Variants in CCL24 observed in about 807,000 individuals in gnomAD.
CCL24 encodes C-C motif chemokine ligand 24.
In CCL24, 6 loss-of-function variants were observed where a neutral mutation model predicts 8.6. The observed-to-expected ratio is 0.70, with a 90% confidence interval of 0.38 to 1.38. CCL24 has a LOEUF of 1.38. Among genes scored for constraint, CCL24 ranks in the 40% most tolerant of loss-of-function variants. The pLI is 0.02. For missense variants in CCL24, 126 were observed against 147.1 expected (o/e 0.86, Z 0.74); for synonymous variants, 59 against 52.7 (o/e 1.12, Z -0.52).
rs1231793719 is a variant in CCL24 at position 75,810,950 on chromosome 7, C to T, written c.*846G>A. On this transcript the variant is annotated 3_prime_UTR_variant, in exon 3 of 3. Coordinates refer to ENST00000222902, the MANE Select transcript of CCL24 (RefSeq NM_002991.3). ...AAAAAAAGCTAGAGTCTTTTCTCCC[C>T]CTAATCCCCCCACCCTATCTTCCCC... 2.0e-5 allele frequency among the ~76,000 whole-genome samples: 3 copies of T among 151,818 alleles called. No homozygotes were observed. Among genetic ancestry groups the T allele is most frequent in the African/African-American group, 7.3e-5 (3 of 41,312 alleles).
At chr7:75,814,346 A>G (rs543964784), upstream of CCL24, among the ~76,000 whole-genome samples, 18 of 152,206 alleles carry the variant, frequency 1.2e-4, no homozygotes, top group African/African-American at 4.1e-4. Context: ...TGGGAGGATC[A>G]TTTGAGGCCA....
At chr7:75,821,464 G>A (rs1403317582) in intron 1 of CCL24, among the ~76,000 whole-genome samples, 1 of 152,106 alleles carries the variant, frequency 6.6e-6, no homozygotes, top group African/African-American at 2.4e-5. Flanking sequence ...ATGCCATATG[G>A]TTGAGGAAAA....
upstream of CCL24, among the ~76,000 whole-genome samples, chr7:75,817,371 G>A (rs1353790536): frequency 6.6e-6 from 1 of 152,014 alleles, no homozygotes; most frequent in Non-Finnish European, 1.5e-5. Flanking sequence ...GGGGATGCCT[G>A]CCATCCCCAT....
chr7:75,814,436 C>T (rs1803843616), upstream of CCL24, among the ~76,000 whole-genome samples: 1 of 151,994 alleles, frequency 6.6e-6, no homozygotes. Flanking sequence ...CGTGGTGGTG[C>T]AGGCTTGTAG....
rs1211371041 is a variant in CCL24 at position 75,811,435 on chromosome 7, T to C, written c.*361A>G. Among the ~76,000 whole-genome samples, 3 of 150,762 alleles carry C rather than the reference T, an allele frequency of 2.0e-5. No individual in the cohort carries two copies. The highest frequency in any genetic ancestry group is 2.4e-5 in the African/African-American group (1 of 40,978). On this transcript the variant is annotated 3_prime_UTR_variant, in exon 3 of 3. Coordinates refer to ENST00000222902, the MANE Select transcript of CCL24 (RefSeq NM_002991.3). ...CGGAGGTTGCAGTGAACCGAGATTGTGCCACTGCACTCCAGCCTGGGTGAC... is the reference window on the plus strand; with the variant it reads ...CGGAGGTTGCAGTGAACCGAGATTGCGCCACTGCACTCCAGCCTGGGTGAC...
intron 1 of CCL24, among the ~76,000 whole-genome samples, chr7:75,820,139 CCTCCTCCTCCTCCTT>C (rs1169629986): frequency 9.0e-6 from 1 of 111,404 alleles, no homozygotes; most frequent in African/African-American, 3.0e-5. Context: ...TTCTCCTCCT[CCTCCTCCTCCTCCTT>C]CTCCTTCTCC....
intron 1 of CCL24, among the ~76,000 whole-genome samples, chr7:75,819,014 A>G (rs1803954231): frequency 6.6e-6 from 1 of 150,918 alleles, no homozygotes; most frequent in African/African-American, 2.4e-5. Context: ...CACGCTTGTA[A>G]TCCCAGCACT....
Position 75,811,537 on chromosome 7 carries a change from T to G in CCL24, c.*259A>C, listed in dbSNP as rs1312827820. On this transcript the variant is annotated 3_prime_UTR_variant, in exon 3 of 3. Coordinates refer to ENST00000222902, the MANE Select transcript of CCL24 (RefSeq NM_002991.3). ...AGGTCAGGAGGAGAAGGCAAAGAGT[T>G]GCCACTGCTCTCCTTCTGGGATCTT... The G allele has an allele frequency of 5.3e-6, 2 of 376,014 alleles. No homozygotes were observed. Among genetic ancestry groups the G allele is most frequent in the African/African-American group, 2.1e-5 (1 of 47,556 alleles). 23.3% of individuals were successfully genotyped at this position (376,014 alleles called of 1,614,324 possible).
chr7:75,816,807 C>T (rs112095100), upstream of CCL24, among the ~76,000 whole-genome samples: 1,493 of 150,486 alleles, frequency 9.9e-3, 22 homozygotes, highest in Admixed American at 0.027. Flanking sequence ...GGTAATCCAC[C>T]CACCTCGGCC....
At position 75,811,844 on chromosome 7, in the gene CCL24, A is replaced by G. The variant is rs372206947; in HGVS notation, c.312T>C (p.Ala104=). The stretch of plus-strand genomic sequence containing the variant: ...GATATCTCTGGACAGGGCCCTTGAC[A>G]GCCACTGCCCTGGCCCTAGGGGAAG... ...KKASPRARAV[A]VKGPVQRYPG... Residue 104 remains alanine (A), a synonymous_variant, in exon 3 of 3, where the codon GCT becomes GCC. Coordinates refer to ENST00000222902, the MANE Select transcript of CCL24 (RefSeq NM_002991.3). 4.3e-6 allele frequency: 7 copies of G among 1,613,008 alleles called. No homozygotes were observed. The highest frequency in any genetic ancestry group is 1.6e-4 in the Middle Eastern group (1 of 6,084).
chr7:75,818,379 A>G (rs1192935825), upstream of CCL24, among the ~76,000 whole-genome samples: 5 of 150,174 alleles, frequency 3.3e-5, no homozygotes, highest in Non-Finnish European at 5.9e-5. Context: ...CCTGGGAGGC[A>G]GAGGTTGCAG....
At chr7:75,820,463 G>A (rs1171065802) in intron 1 of CCL24, among the ~76,000 whole-genome samples, 1 of 152,180 alleles carries the variant, frequency 6.6e-6, no homozygotes, top group Non-Finnish European at 1.5e-5. Flanking sequence ...TAACAGGCAT[G>A]AGCCACCTCG....
At chr7:75,816,262 ACT>A (rs1554534120), upstream of CCL24, among the ~76,000 whole-genome samples, 1 of 152,162 alleles carries the variant, frequency 6.6e-6, no homozygotes, top group Non-Finnish European at 1.5e-5. Context: ...ACAGAGCACA[ACT>A]GGAGCCTGCG....
At chr7:75,818,129 C>T (rs1554534426), upstream of CCL24, among the ~76,000 whole-genome samples, 1 of 152,104 alleles carries the variant, frequency 6.6e-6, no homozygotes, top group Non-Finnish European at 1.5e-5. Context: ...CCTCACCCAA[C>T]CAAAACTCCT....
At chr7:75,818,875 A>T (rs1554534538) in intron 1 of CCL24, among the ~76,000 whole-genome samples, 1 of 151,902 alleles carries the variant, frequency 6.6e-6, no homozygotes, top group Non-Finnish European at 1.5e-5. Flanking sequence ...AAGAAGGAAC[A>T]TTTCTCATTT....
chr7:75,813,518 C>A, intron 1 of CCL24, 95 bp from the exon 2 acceptor site: 2 of 1,247,564 alleles, frequency 1.6e-6, no homozygotes, highest in Non-Finnish European at 1.2e-6. Context: ...CCAAACACCG[C>A]CAGTCCATTC....
chr7:75,820,021 TC>T (rs1803993655), intron 1 of CCL24, among the ~76,000 whole-genome samples: 1 of 72,132 alleles, frequency 1.4e-5, no homozygotes, highest in East Asian at 4.1e-4. Context: ...GTAAACTACT[TC>T]TTCTTCTTCT....
At chr7:75,820,623 A>T (rs1804026139) in intron 1 of CCL24, among the ~76,000 whole-genome samples, 1 of 122,654 alleles carries the variant, frequency 8.2e-6, no homozygotes, top group Non-Finnish European at 1.7e-5. Flanking sequence ...CCATCCATCC[A>T]CCCACCCACC....
At chr7:75,817,919 C>A (rs1468874716), upstream of CCL24, among the ~76,000 whole-genome samples, 1 of 151,888 alleles carries the variant, frequency 6.6e-6, no homozygotes, top group African/African-American at 2.4e-5. Flanking sequence ...CAACCTCCGC[C>A]CCCCAGGTTC....
Sources: gnomAD v4.1 joint callset for allele counts (sites outside exome capture counted in the v4.1 genomes callset) on GRCh38, gnomAD v4.1.1 for gene constraint, MANE v1.5 for transcripts, NCBI Gene and HGNC (gene_info 2026-07-23, HGNC 2026-07-21) for gene names.